The following EMB variants were observed in gnomAD, a reference collection of about 807,000 sequenced individuals.
The protein encoded by EMB is embigin, also known as embigin homolog.
Under a neutral mutation model 41.4 loss-of-function variants are expected in EMB, and 31 were observed. That is an observed-to-expected ratio of 0.75 (90% CI 0.56 to 1.01). The LOEUF (loss-of-function observed/expected upper bound fraction) is 1.01. Among genes scored for constraint, EMB ranks in the 50% least tolerant of loss-of-function variants. The probability of loss-of-function intolerance (pLI) is 0.00; values close to 1 mark genes in which losing one functional copy is unlikely to be tolerated. For missense variants in EMB, 379 were observed against 388.3 expected, an observed-to-expected ratio of 0.98 and a Z score of 0.20; for synonymous variants, 137 against 140.4, an observed-to-expected ratio of 0.98 and a Z score of 0.17.
intron 2 of EMB, among the ~76,000 whole-genome samples, chr5:50,416,720 G>C (rs34945845): frequency 0.4 from 59,994 of 151,782 alleles, 12,385 homozygotes; most frequent in African/African-American, 0.51. Context: ...AATGAGGTAG[G>C]AGGTGGAATG....
At chr5:50,410,493 C>T in intron 4 of EMB, among the ~76,000 whole-genome samples, 1 of 152,162 alleles carries the variant, frequency 6.6e-6, no homozygotes, top group South Asian at 2.1e-4. Flanking sequence ...TGTCCTGGAG[C>T]TATGGATATA....
At chr5:50,419,961 T>C (rs1212237460) in intron 2 of EMB, among the ~76,000 whole-genome samples, 1 of 152,102 alleles carries the variant, frequency 6.6e-6, no homozygotes, top group Non-Finnish European at 1.5e-5. Flanking sequence ...TTCTCACTTA[T>C]AAGTGGGAGC....
chr5:50,435,508 A>T (rs1321071458), intron 1 of EMB, among the ~76,000 whole-genome samples: 1 of 152,166 alleles, frequency 6.6e-6, no homozygotes, highest in Non-Finnish European at 1.5e-5. Flanking sequence ...ACACTTTTTA[A>T]AATTCCAAGA....
Position 50,411,398 on chromosome 5 carries a change from G to T in EMB, c.197-15C>A. On this transcript the variant is annotated splice_polypyrimidine_tract_variant and intron_variant, in intron 2 of 8. Coordinates refer to ENST00000303221, the MANE Select transcript of EMB (RefSeq NM_198449.3). ...ACTAGAATGTTCTATTAGCACAAAA[G>T]AGGACAAAATGTGAAAGTTATATTC... 1 of 1,541,586 alleles carries T rather than the reference G, an allele frequency of 6.5e-7. No homozygotes were observed. The highest frequency in any genetic ancestry group is 1.3e-5 in the South Asian group (1 of 79,800).
intron 6 of EMB, among the ~76,000 whole-genome samples, chr5:50,402,724 G>A (rs1301921608): frequency 1.3e-5 from 2 of 151,590 alleles, no homozygotes; most frequent in Non-Finnish European, 2.9e-5. Context: ...TGAGAACTCT[G>A]GAATGGTTAA....
At chr5:50,437,315 C>T (rs1432857056) in intron 1 of EMB, among the ~76,000 whole-genome samples, 1 of 152,064 alleles carries the variant, frequency 6.6e-6, no homozygotes, top group African/African-American at 2.4e-5. Flanking sequence ...TAAAAGTAGG[C>T]TTATGGTTCA....
chr5:50,440,845 T>G (rs1467724507), intron 1 of EMB, among the ~76,000 whole-genome samples, 195 bp downstream of exon 1: 1 of 151,892 alleles, frequency 6.6e-6, no homozygotes, highest in Non-Finnish European at 1.5e-5. Flanking sequence ...GCCGCAGCAG[T>G]TTCAGGGTTC....
At chr5:50,424,962 T>C (rs1745585850) in intron 2 of EMB, among the ~76,000 whole-genome samples, 3 of 152,186 alleles carry the variant, frequency 2.0e-5, no homozygotes, top group Non-Finnish European at 4.4e-5. Context: ...CTTTACTTTC[T>C]CTGACTCTCT....
At chr5:50,414,601 AT>A (rs1226727330) in intron 2 of EMB, among the ~76,000 whole-genome samples, 1 of 151,734 alleles carries the variant, frequency 6.6e-6, no homozygotes, top group Non-Finnish European at 1.5e-5. Flanking sequence ...AAATGCTTCC[AT>A]AAGCAAGGAC....
intron 2 of EMB, among the ~76,000 whole-genome samples, chr5:50,427,484 G>A (rs1169176058): frequency 6.7e-6 from 1 of 149,102 alleles, no homozygotes; most frequent in East Asian, 2.0e-4. Flanking sequence ...AAAGTTAAAT[G>A]AAGACATTAT....
At chr5:50,443,308 C>T (rs933822882), upstream of EMB, 9 of 152,320 alleles carry the variant, frequency 5.9e-5, no homozygotes, top group African/African-American at 2.2e-4. Flanking sequence ...GCAGCCTTGA[C>T]CTTCTGGGCT....
At chr5:50,401,523 A>C (rs2111765268) in intron 7 of EMB, among the ~76,000 whole-genome samples, 1 of 152,056 alleles carries the variant, frequency 6.6e-6, no homozygotes, top group South Asian at 2.1e-4. Context: ...TCTATTGTTC[A>C]GGCTTTAATC....
intron 2 of EMB, among the ~76,000 whole-genome samples, chr5:50,415,429 T>G (rs184165434): frequency 3.3e-4 from 50 of 152,264 alleles, no homozygotes; most frequent in Admixed American, 3.1e-3. Context: ...TCCATGAGAT[T>G]GTAAAAAGTT....
chr5:50,438,231 T>G (rs1464849109), intron 1 of EMB, among the ~76,000 whole-genome samples: 3 of 152,238 alleles, frequency 2.0e-5, no homozygotes, highest in Non-Finnish European at 2.9e-5. Context: ...CTTGGGCAAT[T>G]AAGCAATTAC....
chr5:50,417,706 CCTATGAACTATGTGG>C (rs1370598739), intron 2 of EMB, among the ~76,000 whole-genome samples: 5 of 152,148 alleles, frequency 3.3e-5, no homozygotes, highest in Non-Finnish European at 7.3e-5. Context: ...TCCCTCAAGA[CCTATGAACTATGTGG>C]CTGGTGTTAT....
At chr5:50,415,453 C>T (rs4495185) in intron 2 of EMB, among the ~76,000 whole-genome samples, 59,954 of 151,948 alleles carry the variant, frequency 0.39, 12,346 homozygotes, top group African/African-American at 0.51. Context: ...TCATAAGAAA[C>T]GTCAACAGTA....
chr5:50,402,367 T>C (rs749063059), intron 6 of EMB, 48 bp from the exon 7 acceptor site: 3 of 1,524,264 alleles, frequency 2.0e-6, no homozygotes, highest in South Asian at 1.1e-5. Flanking sequence ...TTGTCACTTT[T>C]ATGGAACATA....
intron 6 of EMB, among the ~76,000 whole-genome samples, chr5:50,402,565 C>T (rs1667632005): frequency 6.6e-6 from 1 of 151,736 alleles, no homozygotes; most frequent in Non-Finnish European, 1.5e-5. Context: ...CTTAGTTTGT[C>T]ATTATTTAAA....
intron 1 of EMB, chr5:50,428,867 CTTTATTTAT>C (rs1250433701): frequency 6.9e-6 from 2 of 288,074 alleles, no homozygotes; most frequent in Admixed American, 6.5e-5. Flanking sequence ...TTCGAAGTTA[CTTTATTTAT>C]TTTATTTATT....
Sources: allele counts gnomAD v4.1 joint callset (sites outside exome capture counted in the v4.1 genomes callset), GRCh38; gene constraint gnomAD v4.1.1; transcripts MANE v1.5; gene names NCBI Gene and HGNC (gene_info 2026-07-23, HGNC 2026-07-21).